The following KIF26B variants were observed in gnomAD, a reference collection of about 807,000 sequenced individuals.
KIF26B encodes kinesin family member 26B.
In KIF26B, 63 loss-of-function variants were observed where a neutral mutation model predicts 151.2. The observed-to-expected ratio is 0.42, with a 90% CI of 0.34 to 0.51. KIF26B has a LOEUF of 0.51. Among genes scored for constraint, KIF26B ranks in the 20% least tolerant of loss-of-function variants. KIF26B has a pLI of 0.07. For missense variants in KIF26B, 2,813 were observed against 2,913.6 expected, an observed-to-expected ratio of 0.97 and a Z score of 0.79; for synonymous variants, 1,357 against 1,262.1, an observed-to-expected ratio of 1.08 and a Z score of -1.59.
At chr1:245,160,228 T>G (rs1406082867) in intron 2 of KIF26B, among the ~76,000 whole-genome samples, 1 of 152,208 alleles carries the variant, frequency 6.6e-6, no homozygotes, top group Admixed American at 6.5e-5. Flanking sequence ...ATTACCTTGA[T>G]CAGTACAAAA....
At position 245,606,357 on chromosome 1, in the gene KIF26B, G is replaced by A. The variant is rs561314908; in HGVS notation, c.1558-1294G>A. Among the ~76,000 whole-genome samples the A allele has an allele frequency of 1.6e-3, 241 of 152,032 alleles. 1 individual carries two copies. Among genetic ancestry groups the A allele is most frequent in the African/African-American group, 5.6e-3 (233 of 41,560 alleles). ...GGCCCAGGTGCCCACCGGGAGGCAC[G>A]CTGCCCCGAGGGCTGCAAAGCCCCA... On this transcript the variant is annotated intron_variant, in intron 6 of 14. Coordinates refer to ENST00000407071, the MANE Select transcript of KIF26B (RefSeq NM_018012.4). The surrounding 1 kb of genome is among the most constrained non-coding windows in gnomAD (Gnocchi z 4.6).
rs1057319153 is a variant in KIF26B at position 245,493,950 on chromosome 1, G to A, written c.1167-46817G>A. Among the ~76,000 whole-genome samples, 7 of 152,158 alleles carry A rather than the reference G, an allele frequency of 4.6e-5. No individual in the cohort carries two copies. In the South Asian group the frequency reaches 8.3e-4, roughly 18 times the overall value. On this transcript the variant is annotated intron_variant, in intron 4 of 14. Coordinates refer to ENST00000407071, the MANE Select transcript of KIF26B (RefSeq NM_018012.4). ...AAATATTAGACTGTATACTGCAAGA[G>A]ACTAAGCAAAAAAACCATTTTTAGT...
chr1:245,635,710 G>A (rs1301204873), intron 9 of KIF26B, among the ~76,000 whole-genome samples: 1 of 151,336 alleles, frequency 6.6e-6, no homozygotes, highest in Non-Finnish European at 1.5e-5. Context: ...TTCTTAAGGT[G>A]TAAGCTGAGA....
rs56893913 is a variant in KIF26B at position 245,652,102 on chromosome 1, CTGTGTGTGTGTGTGTG to C, written c.2258+5851_2258+5866del. Among the ~76,000 whole-genome samples, 230 of 136,444 alleles carry C rather than the reference CTGTGTGTGTGTGTGTG, an allele frequency of 1.7e-3. 1 individual carries two copies. The highest frequency in any genetic ancestry group is 6.4e-3 in the African/African-American group (217 of 34,004). The allele number at this position is 136,444 out of a possible 152,430, so 89.5% of individuals were successfully genotyped here. A position where few individuals can be genotyped will look rare whatever the true frequency, so the allele number is the denominator to read the frequency against. ...GAAACGGAGAGGTTCATGTAAGAATCTGTGTGTGTGTGTGTGTGTGTGTGTGTGTGTGTGTGTGTGT... is the reference window on the plus strand; with the variant it reads ...GAAACGGAGAGGTTCATGTAAGAATCTGTGTGTGTGTGTGTGTGTGTGTGT... On this transcript the variant is annotated intron_variant, in intron 10 of 14. Transcript: ENST00000407071.
At chr1:245,400,488 G>GTTTTT (rs11407193) in intron 3 of KIF26B, among the ~76,000 whole-genome samples, 1 of 123,864 alleles carries the variant, frequency 8.1e-6, no homozygotes, top group Non-Finnish European at 1.6e-5. Context: ...TAGATAGTGA[G>GTTTTT]TTTTTTTTTT....
At chr1:245,164,675 G>A (rs12759067) in intron 2 of KIF26B, among the ~76,000 whole-genome samples, 436 of 152,338 alleles carry the variant, frequency 2.9e-3, no homozygotes, top group Non-Finnish European at 4.6e-3. Flanking sequence ...GGCAGATGGA[G>A]GATGAAAGGC....
chr1:245,415,205 C>T (rs1461709884), intron 3 of KIF26B, among the ~76,000 whole-genome samples: 4 of 152,172 alleles, frequency 2.6e-5, no homozygotes, highest in Non-Finnish European at 5.9e-5. Context: ...ATATGGATCA[C>T]TGCCATTCTT....
chr1:245,523,323 A>G (rs902418900), intron 4 of KIF26B, among the ~76,000 whole-genome samples: 2 of 152,170 alleles, frequency 1.3e-5, no homozygotes, highest in Non-Finnish European at 2.9e-5. Context: ...ATCACATTTC[A>G]TTTTAGACTT....
At chr1:245,273,078 C>G (rs978141336) in intron 2 of KIF26B, among the ~76,000 whole-genome samples, 1 of 151,588 alleles carries the variant, frequency 6.6e-6, no homozygotes, top group African/African-American at 2.4e-5. Flanking sequence ...TTTTTATTAG[C>G]CTTTTGTTTG....
At chr1:245,508,366 A>G (rs1357456514) in intron 4 of KIF26B, among the ~76,000 whole-genome samples, 2 of 151,946 alleles carry the variant, frequency 1.3e-5, no homozygotes, top group Non-Finnish European at 2.9e-5. Flanking sequence ...TCAGCCTCCC[A>G]AGTAGCTGTG....
At chr1:245,393,917 C>T (rs551650945) in intron 3 of KIF26B, among the ~76,000 whole-genome samples, 16 of 152,270 alleles carry the variant, frequency 1.1e-4, no homozygotes, top group African/African-American at 3.9e-4. Context: ...GTACAGTCAC[C>T]CAGCTACCTG....
intron 4 of KIF26B, among the ~76,000 whole-genome samples, chr1:245,449,090 A>G (rs765752487): frequency 2.0e-5 from 3 of 152,238 alleles, no homozygotes; most frequent in Non-Finnish European, 2.9e-5. Flanking sequence ...CTGCGAGTTC[A>G]GAATAACATG....
rs898023865 is a variant in KIF26B at position 245,274,564 on chromosome 1, T to C, written c.466-92270T>C. ...GCAAAGGACATGACATGAATGCACC[T>C]TTTTTTATGGCTGCATAGTATTCCA... On this transcript the variant is annotated intron_variant, in intron 2 of 14. Transcript: ENST00000407071. 4.7e-5 allele frequency among the ~76,000 whole-genome samples: 6 copies of C among 127,038 alleles called. No individual in the cohort carries two copies. In the East Asian group the frequency reaches 6.3e-4, roughly 13 times the overall value. The allele number at this position is 127,038 out of a possible 152,430, so 83.3% of individuals were successfully genotyped here.
chr1:245,522,979 C>G (rs1010836873), intron 4 of KIF26B, among the ~76,000 whole-genome samples: 1 of 152,104 alleles, frequency 6.6e-6, no homozygotes, highest in Non-Finnish European at 1.5e-5. Flanking sequence ...AAACACCTAC[C>G]AGGTGTTTAC....
intron 14 of KIF26B, among the ~76,000 whole-genome samples, chr1:245,701,940 C>G (rs1292944225): frequency 1.3e-5 from 2 of 152,210 alleles, no homozygotes; most frequent in African/African-American, 4.8e-5. Context: ...CAGATACCTG[C>G]TCTTCAGGCC....
intron 2 of KIF26B, among the ~76,000 whole-genome samples, chr1:245,188,284 A>G (rs1185283073): frequency 1.4e-5 from 2 of 145,006 alleles, no homozygotes; most frequent in Admixed American, 6.7e-5. Flanking sequence ...CCATCTCCAA[A>G]AAAAAAAAAA....
intron 4 of KIF26B, among the ~76,000 whole-genome samples, chr1:245,442,766 ATCTCCCTCACTGTTCACCTACAGCG>A: frequency 7.5e-6 from 1 of 132,926 alleles, no homozygotes; most frequent in African/African-American, 2.9e-5. Flanking sequence ...TACAGCGGTC[ATCTCCCTCACTGTTCACCTACAGCG>A]GTCATCTCCC....
intron 2 of KIF26B, among the ~76,000 whole-genome samples, chr1:245,279,310 T>C (rs1029927268): frequency 1.4e-4 from 21 of 150,364 alleles, no homozygotes; most frequent in East Asian, 3.9e-4. Flanking sequence ...TTCTTTCTTT[T>C]TTTTTTTTTT....
intron 10 of KIF26B, among the ~76,000 whole-genome samples, chr1:245,682,809 T>C (rs532126427): frequency 6.6e-6 from 1 of 152,358 alleles, no homozygotes; most frequent in Non-Finnish European, 1.5e-5. Context: ...CTGCTAAGAA[T>C]GTGTGCCAGG....
Sources: allele counts gnomAD v4.1 joint callset (sites outside exome capture counted in the v4.1 genomes callset), GRCh38; gene constraint gnomAD v4.1.1; non-coding constraint Gnocchi (gnomAD v3.1); transcripts MANE v1.5; gene names NCBI Gene and HGNC (gene_info 2026-07-23, HGNC 2026-07-21).